The following CRB2 variants were observed in gnomAD, a reference collection of about 807,000 sequenced individuals.
The protein encoded by CRB2 is crumbs cell polarity complex component 2.
Under a neutral mutation model 110.9 loss-of-function variants are expected in CRB2, and 85 were observed. The ratio of observed to expected loss-of-function variants is 0.77; its 90% CI spans 0.64 to 0.92. CRB2 has a LOEUF of 0.92. CRB2 is among the 40% of genes least tolerant of loss of function. The pLI is 0.00. For missense variants in CRB2, 1,843 were observed against 1,851.3 expected, an observed-to-expected ratio of 1.00 and a Z score of 0.08; for synonymous variants, 907 against 831.0, an observed-to-expected ratio of 1.09 and a Z score of -1.57.
At chr9:123,354,066 C>T (rs772152807), upstream of CRB2, among the ~76,000 whole-genome samples, 50 of 152,162 alleles carry the variant, frequency 3.3e-4, no homozygotes, top group Non-Finnish European at 2.4e-4. Context: ...TCTCCAGATC[C>T]GGACCAGGGA....
rs573498737 is a variant in CRB2, at chr9:123,377,133, C to G, written c.*71C>G. ...TCTACCTGGAGACCCAAGGAAGCTG[C>G]TTCCAGGGCTCGGGACATTGCTACG... On this transcript the variant is annotated 3_prime_UTR_variant, in exon 13 of 13. Coordinates refer to ENST00000373631, the MANE Select transcript of CRB2 (RefSeq NM_173689.7). 1 of 1,344,190 alleles carries G rather than the reference C, an allele frequency of 7.4e-7. No homozygotes were observed. The highest frequency in any genetic ancestry group is 1.5e-5 in the African/African-American group (1 of 68,106). The allele number at this position is 1,344,190 out of a possible 1,614,324, so 83.3% of individuals were successfully genotyped here.
At chr9:123,368,714 TG>T in intron 6 of CRB2, 1 of 1,039,810 alleles carries the variant, frequency 9.6e-7, no homozygotes, top group Non-Finnish European at 1.2e-6. Context: ...GCTGCAGGGC[TG>T]GGCTCTTTGC....
rs748941174 is a variant in CRB2, at chr9:123,371,579, G to C, written c.2436+1G>C. The C allele has an allele frequency of 3.1e-6, 5 of 1,612,488 alleles. No individual in the cohort carries two copies. The highest frequency in any genetic ancestry group is 2.2e-5 in the East Asian group (1 of 44,886). On this transcript the variant is annotated splice_donor_variant, in intron 8 of 12. Transcript: ENST00000373631. LOFTEE classifies it high-confidence loss of function. ...CTGCGTCTCCGAGGACATGTGCAGT[G>C]TAAGTGTCTGGTGGCGGTGGTGGTG...
chr9:123,359,441 G>GTTTTTTTTTTTTTT (rs375773781), intron 1 of CRB2, among the ~76,000 whole-genome samples: 20 of 94,428 alleles, frequency 2.1e-4, no homozygotes, highest in African/African-American at 4.7e-4. Flanking sequence ...TTTTTGTTTT[G>GTTTTTTTTTTTTTT]TTTTTTTTTT....
In CRB2 at chr9:123,376,819, G is replaced by C; in HGVS notation, c.3634-19G>C. On this transcript the variant is annotated intron_variant, in intron 12 of 12. Transcript: ENST00000373631. ...CCCCTTCTCTGCGGTCTTAGGCCTC[G>C]GTGTCGTGTCTCTTGCAGAAGGGCC... The C allele has an allele frequency of 1.3e-6, 2 of 1,595,240 alleles. No individual in the cohort carries two copies. Among genetic ancestry groups the C allele is most frequent in the Non-Finnish European group, 1.7e-6 (2 of 1,172,758 alleles).
chr9:123,373,306 C>A lies in CRB2; in HGVS notation c.2775C>A (p.Arg925=), dbSNP rs1474960095. ...TGGAAGGCGTGTGGCTGGCGGTGCG[C>A]AATGGCTCGCTGGCGGGGGGCGTGC... ...GALEGVWLAV[R]NGSLAGGVRG... The change falls in exon 10 of 13, where the codon CGC becomes CGA. Residue 925 remains arginine (R), a synonymous_variant. Coordinates refer to ENST00000373631, the MANE Select transcript of CRB2 (RefSeq NM_173689.7). The A allele has an allele frequency of 3.4e-6, 5 of 1,465,404 alleles. No individual in the cohort carries two copies. The highest frequency in any genetic ancestry group is 1.3e-5 in the South Asian group (1 of 75,598). The allele number at this position is 1,465,404 out of a possible 1,614,324, so 90.8% of individuals were successfully genotyped here.
intron 2 of CRB2, among the ~76,000 whole-genome samples, chr9:123,364,557 T>C (rs1421093612): frequency 7.9e-6 from 1 of 126,864 alleles, no homozygotes; most frequent in Non-Finnish European, 1.7e-5. Context: ...AGGGTGGGAG[T>C]GGGGATGGGG....
At chr9:123,368,038 C>T (rs2041962383) in intron 6 of CRB2, among the ~76,000 whole-genome samples, 1 of 152,014 alleles carries the variant, frequency 6.6e-6, no homozygotes, top group African/African-American at 2.4e-5. Context: ...ATGACTCTGA[C>T]CTTTGGGGAG....
intron 12 of CRB2, among the ~76,000 whole-genome samples, chr9:123,376,081 TC>T (rs34948800): frequency 0.17 from 26,308 of 151,324 alleles, 2,436 homozygotes; most frequent in East Asian, 0.3. Context: ...CCCAGCCACC[TC>T]CCCAGGGCAG....
At chr9:123,360,324 C>G (rs2041853159) in intron 1 of CRB2, among the ~76,000 whole-genome samples, 1 of 152,152 alleles carries the variant, frequency 6.6e-6, no homozygotes, top group African/African-American at 2.4e-5. Context: ...CAGGTCGGCC[C>G]AGGCAGCCTG....
Position 123,375,270 on chromosome 9 carries a change from C to A in CRB2, c.3560C>A (p.Thr1187Asn). ...CEANPCLNGG[T>N]CRAAGGVSEC... Reference sequence around the variant, plus strand: ...GCCAACCCCTGCTTGAATGGGGGCACCTGCCGGGCAGCTGGAGGGGTGTCT... The same window carrying A: ...GCCAACCCCTGCTTGAATGGGGGCAACTGCCGGGCAGCTGGAGGGGTGTCT... Residue 1187 changes from threonine to asparagine, a missense_variant, in exon 12 of 13, where the codon ACC becomes AAC. Physicochemically the swap from Thr to Asn is moderately conservative, Grantham distance 65 (BLOSUM62 0). Coordinates refer to ENST00000373631, the MANE Select transcript of CRB2 (RefSeq NM_173689.7). 1 of 1,612,262 alleles carries A rather than the reference C, an allele frequency of 6.2e-7. No individual in the cohort carries two copies. The highest frequency in any genetic ancestry group is 8.5e-7 in the Non-Finnish European group (1 of 1,179,136).
In CRB2 at chr9:123,371,595, G is replaced by A. The variant is rs377460162; in HGVS notation, c.2436+17G>A. The A allele has an allele frequency of 2.5e-5, 41 of 1,607,968 alleles. No homozygotes were observed. Among genetic ancestry groups the A allele is most frequent in the African/African-American group, 1.6e-4 (12 of 74,874 alleles). On this transcript the variant is annotated intron_variant, in intron 8 of 12. Coordinates refer to ENST00000373631, the MANE Select transcript of CRB2 (RefSeq NM_173689.7). The stretch of plus-strand genomic sequence containing the variant: ...ATGTGCAGTGTAAGTGTCTGGTGGC[G>A]GTGGTGGTGGTGGGGTGGGGAGTCC...
At chr9:123,360,941 T>G (rs982715694) in intron 1 of CRB2, among the ~76,000 whole-genome samples, 3 of 152,066 alleles carry the variant, frequency 2.0e-5, no homozygotes, top group Non-Finnish European at 4.4e-5. Context: ...CTGGAGAAAT[T>G]CCTTCCTCCC....
At position 123,370,635 on chromosome 9, in the gene CRB2, C is replaced by T; in HGVS notation, c.1582C>T (p.Leu528=). The stretch of plus-strand genomic sequence containing the variant: ...GCACCAGGTGGAGGTTGTGCTCCAT[C>T]TAGCGACCCTGGAGCTACGGCTCTG... ...HWHQVEVVLH[L]ATLELRLWHE... is the part of the protein sequence containing the mutation. Residue 528 remains leucine, a synonymous_variant, in exon 7 of 13, where the codon CTA becomes TTA. Transcript: ENST00000373631. 1 of 1,610,642 alleles carries T rather than the reference C, an allele frequency of 6.2e-7. No homozygotes were observed. The highest frequency in any genetic ancestry group is 1.3e-5 in the African/African-American group (1 of 75,072).
Position 123,377,333 on chromosome 9 carries a change from TCA to T in CRB2, c.*274_*275del, listed in dbSNP as rs1468553798. On this transcript the variant is annotated 3_prime_UTR_variant, in exon 13 of 13. Transcript: ENST00000373631. ...TGTGCGTGGGAGGGCACACGTGGGT[TCA>T]CAGTGTGTTCAGGAGTGTGTGTATC... 17 of 473,380 alleles carry T rather than the reference TCA, an allele frequency of 3.6e-5. No homozygotes were observed. Among genetic ancestry groups the T allele is most frequent in the African/African-American group, 7.8e-5 (4 of 51,516 alleles). The allele number at this position is 473,380 out of a possible 1,614,324, so 29.3% of individuals were successfully genotyped here. A position where few individuals can be genotyped will look rare whatever the true frequency, so the allele number is the denominator to read the frequency against.
At chr9:123,376,131 C>T (rs1232543529) in intron 12 of CRB2, among the ~76,000 whole-genome samples, 1 of 152,184 alleles carries the variant, frequency 6.6e-6, no homozygotes, top group African/African-American at 2.4e-5. Flanking sequence ...CTCAAAATGT[C>T]CAACGGTGGA....
At chr9:123,369,075 C>T in intron 6 of CRB2, 1 of 628,540 alleles carries the variant, frequency 1.6e-6, no homozygotes, top group African/African-American at 2.0e-5. Flanking sequence ...GCCTGGGTTC[C>T]TCCAGCTGGG....
At chr9:123,363,890 A>AG (rs1439393173) in intron 2 of CRB2, among the ~76,000 whole-genome samples, 1 of 152,182 alleles carries the variant, frequency 6.6e-6, no homozygotes, top group Admixed American at 6.5e-5. Context: ...GAAGTCGGGA[A>AG]GGAGGGCGCA....
chr9:123,365,443 C>A lies in CRB2; in HGVS notation c.419-474C>A, dbSNP rs115707102. On this transcript the variant is annotated intron_variant, in intron 2 of 12. Coordinates refer to ENST00000373631, the MANE Select transcript of CRB2 (RefSeq NM_173689.7). The stretch of plus-strand genomic sequence containing the variant: ...CCCTTGCTTCCAACCCTCCAATAAC[C>A]CCGCCTAGGGCATCATGGCCCTGCC... Among the ~76,000 whole-genome samples, 994 of 152,300 alleles carry A rather than the reference C, an allele frequency of 6.5e-3. 13 individuals carry two copies. Among genetic ancestry groups the A allele is most frequent in the African/African-American group, 0.023 (956 of 41,560 alleles).
Sources: allele counts gnomAD v4.1 joint callset (sites outside exome capture counted in the v4.1 genomes callset), GRCh38; gene constraint gnomAD v4.1.1; transcripts MANE v1.5; gene names NCBI Gene and HGNC (gene_info 2026-07-23, HGNC 2026-07-21).